MRE11: variants seen among roughly 807,000 people sequenced by gnomAD.
MRE11 encodes MRE11 double strand break repair nuclease.
In MRE11, 62 loss-of-function variants were observed where a neutral mutation model predicts 91.7. The ratio of observed to expected loss-of-function variants is 0.68; its 90% CI spans 0.55 to 0.84. The LOEUF (loss-of-function observed/expected upper bound fraction) is 0.84, where lower values mean the gene tolerates loss of function less well. Ranked by LOEUF, MRE11 falls within the 40% of genes least tolerant of loss-of-function variation. The probability of loss-of-function intolerance (pLI) is 0.00; values close to 1 mark genes in which losing one functional copy is unlikely to be tolerated. For missense variants in MRE11, 796 were observed against 852.9 expected, an observed-to-expected ratio of 0.93 and a Z score of 0.83; for synonymous variants, 273 against 271.4, an observed-to-expected ratio of 1.01 and a Z score of -0.06.
upstream of MRE11, among the ~76,000 whole-genome samples, chr11:94,495,338 G>C (rs1410647494): frequency 2.0e-5 from 3 of 152,140 alleles, no homozygotes; most frequent in African/African-American, 7.2e-5. Context: ...ACTTCTTAAT[G>C]CCTTCTATAG....
In MRE11 at chr11:94,471,630, G is replaced by C. The variant is rs762907103; in HGVS notation, c.789C>G (p.Ile263Met). The C allele has an allele frequency of 3.1e-6, 5 of 1,612,648 alleles. No homozygotes were observed. In the East Asian group the frequency reaches 1.1e-4, roughly 36 times the overall value. The change falls in exon 8 of 20, where the codon ATC becomes ATG. Residue 263 changes from isoleucine (I) to methionine (M), a missense_variant. By Grantham distance (10) the Ile-to-Met change is conservative. Coordinates refer to ENST00000323929, the MANE Select transcript of MRE11 (RefSeq NM_005591.4). ...PTKNEQQLFYISQPGSSVVTS... is the reference protein window; with the variant it reads ...PTKNEQQLFYMSQPGSSVVTS... ...TAACCACTGAGCTTCCAGGTTGTGA[G>C]ATATAAAACAGCTGTTGTTCATTTT... is the stretch of plus-strand genomic sequence containing the variant.
At chr11:94,426,455 T>TTGTTAATTTAAATCAAATTAACAAA (rs1945318693) in intron 19 of MRE11, among the ~76,000 whole-genome samples, 4 of 150,370 alleles carry the variant, frequency 2.7e-5, no homozygotes, top group African/African-American at 9.9e-5. Flanking sequence ...AAATTAACAA[T>TTGTTAATTTAAATCAAATTAACAAA]TTGTTAATTT....
chr11:94,460,133 T>C (rs945565177), intron 12 of MRE11, among the ~76,000 whole-genome samples: 4 of 152,130 alleles, frequency 2.6e-5, no homozygotes, highest in Non-Finnish European at 4.4e-5. Context: ...AGGAACATAG[T>C]AGGCACCTCT....
the MRE11 span, among the ~76,000 whole-genome samples, chr11:94,508,395 A>G: frequency 1.3e-5 from 2 of 152,216 alleles, no homozygotes; most frequent in Non-Finnish European, 2.9e-5. Flanking sequence ...GTTATACTCT[A>G]GAAGCTTTTG....
Position 94,416,640 on chromosome 11 carries a change from T to C in MRE11, c.*3485A>G, listed in dbSNP as rs1269333001. 5 of 142,632 alleles carry C rather than the reference T, an allele frequency of 3.5e-5. No individual in the cohort carries two copies. The highest frequency in any genetic ancestry group is 7.2e-5 in the Admixed American group (1 of 13,896). The allele number at this position is 142,632 out of a possible 1,614,324, so 8.8% of individuals were successfully genotyped here. On this transcript the variant is annotated 3_prime_UTR_variant, in exon 20 of 20. Coordinates refer to ENST00000323929, the MANE Select transcript of MRE11 (RefSeq NM_005591.4). ...GTGGGTGGATCACAAGGTCAGGAGA[T>C]CGAGACCATCCTGGCTAACACAGAA... is the stretch of plus-strand genomic sequence containing the variant.
rs920994646 is a variant in MRE11, at chr11:94,493,804, C to G, written c.-119G>C. On this transcript the variant is annotated 5_prime_UTR_variant, in exon 1 of 20. Coordinates refer to ENST00000323929, the MANE Select transcript of MRE11 (RefSeq NM_005591.4). ...GTCTGAACTTGCCTCTGAGAACCCG[C>G]AGGGCCGTAAACCTGAATTCCGCGG... The G allele has an allele frequency of 6.6e-6, 1 of 152,256 alleles. No individual in the cohort carries two copies. The highest frequency in any genetic ancestry group is 2.4e-5 in the African/African-American group (1 of 41,460). 9.4% of individuals were successfully genotyped at this position (152,256 alleles called of 1,614,324 possible).
At chr11:94,422,349 C>T (rs1360752528) in intron 19 of MRE11, among the ~76,000 whole-genome samples, 1 of 152,114 alleles carries the variant, frequency 6.6e-6, no homozygotes, top group Non-Finnish European at 1.5e-5. Flanking sequence ...TTCCAGACAT[C>T]CTCCCAGAGA....
At chr11:94,463,839 G>A (rs986936909) in intron 11 of MRE11, among the ~76,000 whole-genome samples, 2 of 152,082 alleles carry the variant, frequency 1.3e-5, no homozygotes, top group Non-Finnish European at 2.9e-5. Flanking sequence ...TAAATGACGA[G>A]TTAATGGGTG....
At chr11:94,464,433 C>T (rs937674880) in intron 10 of MRE11, among the ~76,000 whole-genome samples, 194 bp from the exon 11 acceptor site, 1 of 152,158 alleles carries the variant, frequency 6.6e-6, no homozygotes, top group African/African-American at 2.4e-5. Flanking sequence ...AGTTTATAAG[C>T]ATAAGCAAAA....
chr11:94,497,917 C>A (rs1947439567), upstream of MRE11: 2 of 621,166 alleles, frequency 3.2e-6, no homozygotes, highest in African/African-American at 1.9e-5. Flanking sequence ...CTCTCCTCCC[C>A]AAAAAGAGAT....
At chr11:94,425,032 C>G (rs545849450) in intron 19 of MRE11, among the ~76,000 whole-genome samples, 42 of 152,036 alleles carry the variant, frequency 2.8e-4, no homozygotes, top group African/African-American at 9.4e-4. Flanking sequence ...ATGACCATCC[C>G]CAAGGCACAG....
At chr11:94,447,608 C>T (rs1945974000) in intron 14 of MRE11, among the ~76,000 whole-genome samples, 170 bp from the exon 15 acceptor site, 1 of 146,506 alleles carries the variant, frequency 6.8e-6, no homozygotes, top group Non-Finnish European at 1.5e-5. Context: ...GCGGGAGGAT[C>T]ACTTGCACCC....
At chr11:94,498,015 T>G, upstream of MRE11, 2 of 1,338,508 alleles carry the variant, frequency 1.5e-6, no homozygotes, top group Non-Finnish European at 2.0e-6. Flanking sequence ...ACAATTTTGT[T>G]TTAGTTATTG....
rs587781590 is a variant in MRE11, at chr11:94,459,450, T to G, written c.1458A>C (p.Lys486Asn). ...CTTCGAGGGCATCAATATGACGTTC[T>G]TTAAGAAATCGCTGTGTTTTTTCCA... is the stretch of plus-strand genomic sequence containing the variant. ...YQLEKTQRFL[K>N]ERHIDALEDK... is the part of the protein sequence containing the mutation. Residue 486 changes from lysine (K) to asparagine (N), a missense_variant, in exon 13 of 20, where the codon AAA (lysine) becomes AAC (asparagine). By Grantham distance (94) the Lys-to-Asn change is moderately conservative. Transcript: ENST00000323929. 27 of 1,613,938 alleles carry G rather than the reference T, an allele frequency of 1.7e-5. No individual in the cohort carries two copies. The highest frequency in any genetic ancestry group is 2.1e-5 in the Non-Finnish European group (25 of 1,179,948).
At chr11:94,464,983 G>C (rs1325633776) in intron 10 of MRE11, among the ~76,000 whole-genome samples, 1 of 152,052 alleles carries the variant, frequency 6.6e-6, no homozygotes. Flanking sequence ...ATCTGCTAAG[G>C]TTTTTTGTTC....
chr11:94,429,585 G>A (rs1440686969), intron 19 of MRE11, among the ~76,000 whole-genome samples: 1 of 152,180 alleles, frequency 6.6e-6, no homozygotes, highest in African/African-American at 2.4e-5. Flanking sequence ...AATACCACAT[G>A]TCCTCACTTA....
At chr11:94,488,728 G>A (rs769971622) in intron 3 of MRE11, among the ~76,000 whole-genome samples, 1 of 152,064 alleles carries the variant, frequency 6.6e-6, no homozygotes, top group African/African-American at 2.4e-5. Flanking sequence ...CTTGTAAGTG[G>A]GAGCTAAATG....
chr11:94,420,376 C>T (rs1488356472), intron 19 of MRE11, among the ~76,000 whole-genome samples, 195 bp from the exon 20 acceptor site: 1 of 152,106 alleles, frequency 6.6e-6, no homozygotes, highest in Non-Finnish European at 1.5e-5. Context: ...GAAAATTTAT[C>T]CTGCTGTGTG....
chr11:94,433,586 G>A (rs1945521885), intron 18 of MRE11, among the ~76,000 whole-genome samples: 1 of 152,196 alleles, frequency 6.6e-6, no homozygotes, highest in Non-Finnish European at 1.5e-5. Context: ...GGAGATAATT[G>A]AATCACGGGG....
Sources: gnomAD v4.1 joint callset for allele counts (sites outside exome capture counted in the v4.1 genomes callset) on GRCh38, gnomAD v4.1.1 for gene constraint, MANE v1.5 for transcripts, NCBI Gene and HGNC (gene_info 2026-07-23, HGNC 2026-07-21) for gene names.